Variants in RAB31 observed in about 807,000 individuals in gnomAD.
RAB31 encodes RAB31, member RAS oncogene family.
In RAB31, 21 loss-of-function variants were observed where a neutral mutation model predicts 25.6. The observed-to-expected ratio is 0.82, with a 90% CI of 0.58 to 1.18. RAB31 has a LOEUF of 1.18. Among genes scored for constraint, RAB31 ranks in the 50% most tolerant of loss-of-function variants. The pLI is 0.00. For synonymous variants in RAB31, 87 were observed against 84.0 expected (o/e 1.04, Z -0.20); for missense variants, 196 against 250.1 (o/e 0.78, Z 1.46).
At chr18:9,844,263 C>G (rs2068749196) in intron 5 of RAB31, among the ~76,000 whole-genome samples, 1 of 152,098 alleles carries the variant, frequency 6.6e-6, no homozygotes, top group Non-Finnish European at 1.5e-5. Context: ...CTCTGACATT[C>G]TCTCCATTCG....
At chr18:9,781,153 A>ATT (rs141918566) in intron 2 of RAB31, among the ~76,000 whole-genome samples, 13 of 150,834 alleles carry the variant, frequency 8.6e-5, no homozygotes, top group East Asian at 3.9e-4. Context: ...AGCTTTAGGT[A>ATT]TTTTTTTTTG....
chr18:9,739,814 A>C (rs2068168991), intron 1 of RAB31, among the ~76,000 whole-genome samples: 1 of 152,218 alleles, frequency 6.6e-6, no homozygotes, highest in Admixed American at 6.5e-5. Flanking sequence ...CCTGACTGCA[A>C]GGAAGATGGG....
At chr18:9,788,461 C>T (rs1026722745) in intron 2 of RAB31, among the ~76,000 whole-genome samples, 6 of 152,190 alleles carry the variant, frequency 3.9e-5, no homozygotes, top group African/African-American at 1.2e-4. Context: ...GCACTGTGTA[C>T]ATTAGTACAG....
intron 3 of RAB31, among the ~76,000 whole-genome samples, chr18:9,812,271 C>T (rs1343162917): frequency 6.6e-6 from 1 of 152,182 alleles, no homozygotes; most frequent in East Asian, 1.9e-4. Flanking sequence ...TACCATGAGT[C>T]AATTCCCATT....
chr18:9,799,749 A>T (rs1158855606), intron 3 of RAB31, among the ~76,000 whole-genome samples: 1 of 152,194 alleles, frequency 6.6e-6, no homozygotes, highest in African/African-American at 2.4e-5. Context: ...TTCAGTGGTG[A>T]TATGGTAATT....
intron 1 of RAB31, among the ~76,000 whole-genome samples, chr18:9,750,397 A>G (rs1329779980): frequency 6.6e-6 from 1 of 152,222 alleles, no homozygotes; most frequent in Non-Finnish European, 1.5e-5. Flanking sequence ...TCCATTTAGC[A>G]GAAAAGGACA....
At chr18:9,746,572 A>G (rs2068206933) in intron 1 of RAB31, among the ~76,000 whole-genome samples, 2 of 151,924 alleles carry the variant, frequency 1.3e-5, no homozygotes, top group South Asian at 4.1e-4. Flanking sequence ...GATAAGCCAT[A>G]CAGACCAAGG....
intron 5 of RAB31, among the ~76,000 whole-genome samples, chr18:9,820,096 G>A (rs1014200269): frequency 2.0e-5 from 3 of 151,958 alleles, no homozygotes; most frequent in Non-Finnish European, 4.4e-5. Context: ...AAAACAGCCT[G>A]GAATAAAAGT....
chr18:9,753,264 T>C (rs1383019757), intron 1 of RAB31, among the ~76,000 whole-genome samples: 1 of 152,168 alleles, frequency 6.6e-6, no homozygotes, highest in African/African-American at 2.4e-5. Context: ...TAGGAGGTAA[T>C]TGGGTCATGA....
chr18:9,816,838 A>G (rs2068601446), intron 5 of RAB31, among the ~76,000 whole-genome samples: 1 of 152,240 alleles, frequency 6.6e-6, no homozygotes, highest in Non-Finnish European at 1.5e-5. Context: ...TGATTTTCAT[A>G]AAGACAACTA....
chr18:9,842,400 A>C (rs2068739071), intron 5 of RAB31, among the ~76,000 whole-genome samples: 2 of 152,200 alleles, frequency 1.3e-5, no homozygotes, highest in Admixed American at 1.3e-4. Context: ...GGGGCTCTTC[A>C]AGAATACCAG....
intron 1 of RAB31, chr18:9,758,078 C>T (rs1430306154): frequency 2.0e-5 from 3 of 152,294 alleles, no homozygotes; most frequent in East Asian, 1.9e-4. Flanking sequence ...AGCCCTGGGC[C>T]TGGGGATGGT....
intron 1 of RAB31, among the ~76,000 whole-genome samples, chr18:9,709,253 G>A (rs2068003598): frequency 6.6e-6 from 1 of 152,206 alleles, no homozygotes; most frequent in South Asian, 2.1e-4. Context: ...GGGAGCCGCT[G>A]GCGAACCGCC....
intron 1 of RAB31, among the ~76,000 whole-genome samples, chr18:9,755,103 T>C (rs1222866229): frequency 6.6e-6 from 1 of 152,144 alleles, no homozygotes; most frequent in Non-Finnish European, 1.5e-5. Context: ...TAGAATTAGA[T>C]TGAAGATTAA....
intron 1 of RAB31, among the ~76,000 whole-genome samples, chr18:9,764,609 C>T (rs1337180304): frequency 6.6e-6 from 1 of 152,158 alleles, no homozygotes; most frequent in Non-Finnish European, 1.5e-5. Context: ...TTTGCACCAT[C>T]GAATCATCTT....
intron 1 of RAB31, among the ~76,000 whole-genome samples, chr18:9,765,008 G>T (rs2068308397): frequency 6.6e-6 from 1 of 151,668 alleles, no homozygotes; most frequent in Admixed American, 6.6e-5. Flanking sequence ...AGGCTGGAGT[G>T]CAATGCCGAT....
chr18:9,835,971 T>A (rs1043368631), intron 5 of RAB31, among the ~76,000 whole-genome samples: 1 of 152,042 alleles, frequency 6.6e-6, no homozygotes, highest in African/African-American at 2.4e-5. Flanking sequence ...TGAGAACGCG[T>A]CAGAGCACAC....
chr18:9,720,992 GT>G (rs2068071227), intron 1 of RAB31, among the ~76,000 whole-genome samples: 1 of 152,098 alleles, frequency 6.6e-6, no homozygotes, highest in Non-Finnish European at 1.5e-5. Flanking sequence ...TCTGGGGTCC[GT>G]GGTCCATCAT....
At chr18:9,736,033 C>T (rs1191272529) in intron 1 of RAB31, among the ~76,000 whole-genome samples, 1 of 152,100 alleles carries the variant, frequency 6.6e-6, no homozygotes, top group Non-Finnish European at 1.5e-5. Context: ...GATGGGGTCT[C>T]ACTAGGTTGC....
Sources: gnomAD v4.1 joint callset for allele counts (sites outside exome capture counted in the v4.1 genomes callset) on GRCh38, gnomAD v4.1.1 for gene constraint, MANE v1.5 for transcripts, NCBI Gene and HGNC (gene_info 2026-07-23, HGNC 2026-07-21) for gene names.